Variants in TACC2 observed in about 807,000 individuals in gnomAD.
The protein encoded by TACC2 is transforming acidic coiled-coil containing protein 2.
In TACC2, 137 loss-of-function variants were observed where a neutral mutation model predicts 227.3. That is an observed-to-expected ratio of 0.60 (90% confidence interval 0.52 to 0.69). The LOEUF (loss-of-function observed/expected upper bound fraction) is 0.69. Among genes scored for constraint, TACC2 ranks in the 30% least tolerant of loss-of-function variants. The pLI, the probability that TACC2 is intolerant of heterozygous loss-of-function variation, is 0.00. For synonymous variants in TACC2, 1,523 were observed against 1,487.5 expected, an observed-to-expected ratio of 1.02 and a Z score of -0.55; for missense variants, 3,470 against 3,694.4, an observed-to-expected ratio of 0.94 and a Z score of 1.57.
At chr10:122,149,296 T>A (rs17638681) in intron 7 of TACC2, among the ~76,000 whole-genome samples, 1 of 152,116 alleles carries the variant, frequency 6.6e-6, no homozygotes, top group Non-Finnish European at 1.5e-5. Flanking sequence ...CTTGGAAACC[T>A]GGCCAAGGGC....
At chr10:122,015,536 A>G (rs1316061107) in intron 1 of TACC2, among the ~76,000 whole-genome samples, 2 of 151,722 alleles carry the variant, frequency 1.3e-5, no homozygotes, top group African/African-American at 4.8e-5. Flanking sequence ...AAAAAACTCA[A>G]TGTTTATGAA....
chr10:122,178,006 A>G (rs762137258), intron 7 of TACC2, among the ~76,000 whole-genome samples: 5 of 152,180 alleles, frequency 3.3e-5, no homozygotes, highest in Non-Finnish European at 7.3e-5. Flanking sequence ...ACCTCTGGAT[A>G]TCTTAGACTT....
rs373604882 is a variant in TACC2 at position 122,084,162 on chromosome 10, G to A, written c.1662G>A (p.Lys554=). The change falls in exon 4 of 23, where the codon AAG becomes AAA. Residue 554 remains lysine (K), a synonymous_variant. Transcript: ENST00000369005. ...RGPPGPTDGA[K]VHEDSTSPAV... is the part of the protein sequence containing the mutation. ...CACCGGGGCCAACGGATGGAGCCAA[G>A]GTCCATGAAGATTCCACAAGCCCAG... The A allele has an allele frequency of 6.2e-7, 1 of 1,613,948 alleles. No homozygotes were observed. The highest frequency in any genetic ancestry group is 1.3e-5 in the African/African-American group (1 of 74,920).
At chr10:122,048,996 C>T (rs528683414) in intron 2 of TACC2, among the ~76,000 whole-genome samples, 3 of 152,332 alleles carry the variant, frequency 2.0e-5, no homozygotes, top group Admixed American at 6.5e-5. Flanking sequence ...TGCTAATGTG[C>T]ATTGTGAATT....
intron 14 of TACC2, 136 bp downstream of exon 14, chr10:122,228,144 C>A: frequency 1.2e-6 from 1 of 847,292 alleles, no homozygotes; most frequent in Non-Finnish European, 1.8e-6. Flanking sequence ...TCCCTGACCA[C>A]AGAAGCCAAC....
chr10:122,085,217 C>G lies in TACC2; in HGVS notation c.2717C>G (p.Pro906Arg). 6.2e-7 allele frequency: 1 copy of G among 1,613,986 alleles called. No individual in the cohort carries two copies. The highest frequency in any genetic ancestry group is 8.5e-7 in the Non-Finnish European group (1 of 1,180,022). Residue 906 changes from proline to arginine, a missense_variant, in exon 4 of 23, where the codon CCC becomes CGC. By Grantham distance (103) the Pro-to-Arg change is moderately radical. Transcript: ENST00000369005. ...GGATCAGAACTTCAAAGTCAGCTCC[C>G]CAAAGGCACCCTGTCTGATACTCCA... ...ALGSELQSQL[P>R]KGTLSDTPTS...
In TACC2 at chr10:122,086,736, C is replaced by A. The variant is rs549620504; in HGVS notation, c.4236C>A (p.Ile1412=). The A allele has an allele frequency of 6.2e-7, 1 of 1,613,838 alleles. No homozygotes were observed. The highest frequency in any genetic ancestry group is 8.5e-7 in the Non-Finnish European group (1 of 1,179,990). The part of the protein sequence containing the change: ...LTGFPDFREH[I]AKIFEKPVLG... ...GCTTCCCAGACTTCAGGGAGCACAT[C>A]GCCAAGATCTTCGAGAAGCCTGTGC... Residue 1412 remains isoleucine, a synonymous_variant, in exon 4 of 23, where the codon ATC becomes ATA. Transcript: ENST00000369005.
rs746155868 is a variant in TACC2, at chr10:122,210,713, T to C, written c.6288T>C (p.Gly2096=). The change falls in exon 9 of 23, where the codon GGT becomes GGC. Residue 2096 remains glycine (G), a synonymous_variant. Transcript: ENST00000369005. This position sits in a 1 kb window ranked among gnomAD's most constrained non-coding sequence, Gnocchi z 4.6. ...GCCTGCAAGCCAGTGACTTTGATGG[T>C]GCTTCTTCCTCAGGCAATCCCGAGG... ...SLSLQASDFD[G]ASSSGNPEAV... 4.2e-5 allele frequency: 67 copies of C among 1,613,900 alleles called. 1 individual carries two copies. Among genetic ancestry groups the C allele is most frequent in the Non-Finnish European group, 4.2e-6 (5 of 1,180,010 alleles).
intron 22 of TACC2, among the ~76,000 whole-genome samples, chr10:122,251,746 A>G (rs1300212042): frequency 6.6e-6 from 1 of 152,208 alleles, no homozygotes; most frequent in African/African-American, 2.4e-5. Flanking sequence ...CTTCACAGTC[A>G]TTTTGGCTAT....
rs1258869046 is a variant in TACC2, at chr10:122,211,560, G to A, written c.7135G>A (p.Asp2379Asn). ...CCCAGACACCTGTGATGAGTCCGTT[G>A]ACCCCTTTAAGACATCCTCTAAGAC... ...FDPDTCDESV[D>N]PFKTSSKTPS... Residue 2379 changes from aspartate (D) to asparagine (N), a missense_variant, in exon 9 of 23, where the codon GAC (aspartate) becomes AAC (asparagine). Transcript: ENST00000369005. 1 of 1,613,912 alleles carries A rather than the reference G, an allele frequency of 6.2e-7. No individual in the cohort carries two copies. The highest frequency in any genetic ancestry group is 1.7e-5 in the Admixed American group (1 of 59,988).
At chr10:122,072,057 C>G (rs1291491617) in intron 3 of TACC2, among the ~76,000 whole-genome samples, 1 of 146,568 alleles carries the variant, frequency 6.8e-6, no homozygotes, top group East Asian at 2.1e-4. Flanking sequence ...CAGCTCACTG[C>G]AAGCTCCTCC....
At chr10:122,028,181 CTGG>C (rs1423981735) in intron 2 of TACC2, among the ~76,000 whole-genome samples, 1 of 138,326 alleles carries the variant, frequency 7.2e-6, no homozygotes, top group Non-Finnish European at 1.5e-5. Context: ...CCTCCAGTTC[CTGG>C]GTTCAAGCGA....
At chr10:122,125,291 G>T (rs772851555) in intron 5 of TACC2, among the ~76,000 whole-genome samples, 3 of 152,064 alleles carry the variant, frequency 2.0e-5, no homozygotes, top group Non-Finnish European at 2.9e-5. Flanking sequence ...GAACTCCTGG[G>T]CTCAGGTGAT....
chr10:122,042,716 C>T (rs77998575), intron 2 of TACC2, among the ~76,000 whole-genome samples: 2 of 152,214 alleles, frequency 1.3e-5, no homozygotes, highest in Non-Finnish European at 2.9e-5. Flanking sequence ...TTATGACCCC[C>T]ATTCTACAGA....
intron 7 of TACC2, among the ~76,000 whole-genome samples, chr10:122,171,954 G>A (rs192483224): frequency 2.0e-5 from 3 of 152,310 alleles, no homozygotes; most frequent in Admixed American, 1.3e-4. Context: ...TCAGTTCCAA[G>A]GAAGGTGGGT....
At chr10:122,034,600 C>T (rs7898269) in intron 2 of TACC2, among the ~76,000 whole-genome samples, 14,031 of 152,170 alleles carry the variant, frequency 0.092, 1,088 homozygotes, top group African/African-American at 0.21. Context: ...GCACAACTTA[C>T]CCTATACAGC....
intron 7 of TACC2, chr10:122,192,380 C>G (rs953919131): frequency 3.6e-6 from 1 of 277,448 alleles, no homozygotes; most frequent in Non-Finnish European, 7.2e-6. Context: ...GCATCCGGCC[C>G]TCCCTGTTGC....
chr10:122,038,078 C>T (rs368618834), intron 2 of TACC2, among the ~76,000 whole-genome samples: 1 of 152,060 alleles, frequency 6.6e-6, no homozygotes, highest in Non-Finnish European at 1.5e-5. Flanking sequence ...TGCAACATGG[C>T]GAGACCCCTG....
chr10:122,183,566 C>T (rs973399457), intron 7 of TACC2, among the ~76,000 whole-genome samples: 6 of 152,196 alleles, frequency 3.9e-5, no homozygotes, highest in South Asian at 2.1e-4. Flanking sequence ...TTTGTATGAG[C>T]GAAAGGGCCA....
Sources: gnomAD v4.1 joint callset for allele counts (sites outside exome capture counted in the v4.1 genomes callset) on GRCh38, gnomAD v4.1.1 for gene constraint, Gnocchi (gnomAD v3.1) non-coding constraint, MANE v1.5 for transcripts, NCBI Gene and HGNC (gene_info 2026-07-23, HGNC 2026-07-21) for gene names.